Variants in OVCH1 observed in about 807,000 individuals in gnomAD.
OVCH1 encodes ovochymase 1.
OVCH1 carries 139 observed loss-of-function variants against 138.4 expected under a neutral mutation model. That is an observed-to-expected ratio of 1.00 (90% CI 0.87 to 1.16). OVCH1 has a LOEUF of 1.16. Ranked by LOEUF, OVCH1 falls within the 50% of genes most tolerant of loss-of-function variation. The pLI is 0.00. For synonymous variants in OVCH1, 453 were observed against 467.8 expected (o/e 0.97, Z 0.41); for missense variants, 1,367 against 1,357.9 (o/e 1.01, Z -0.11).
chr12:29,469,233 T>A (rs771782769), intron 16 of OVCH1, among the ~76,000 whole-genome samples: 1 of 152,168 alleles, frequency 6.6e-6, no homozygotes, highest in Non-Finnish European at 1.5e-5. Flanking sequence ...TGATAAGTCA[T>A]GTTGACTGTA....
chr12:29,436,248 G>A (rs1015435326), intron 26 of OVCH1, among the ~76,000 whole-genome samples: 1 of 151,010 alleles, frequency 6.6e-6, no homozygotes, highest in African/African-American at 2.4e-5. Context: ...CATACATAAA[G>A]CTTATTTTAA....
the OVCH1 span, among the ~76,000 whole-genome samples, chr12:29,407,097 A>G: frequency 6.6e-6 from 1 of 151,972 alleles, no homozygotes; most frequent in African/African-American, 2.4e-5. Flanking sequence ...GGCTGCATAA[A>G]TGTCTTCTTT....
chr12:29,476,142 G>A, intron 13 of OVCH1, 64 bp downstream of exon 13: 2 of 1,323,274 alleles, frequency 1.5e-6, no homozygotes, highest in South Asian at 1.2e-5. Context: ...AAGGAAGCCA[G>A]CCCATGTTGC....
intron 19 of OVCH1, among the ~76,000 whole-genome samples, chr12:29,457,369 T>A (rs2135959041): frequency 6.8e-6 from 1 of 148,074 alleles, no homozygotes; most frequent in African/African-American, 2.5e-5. Flanking sequence ...CCATAGTAAA[T>A]ATTCAGCAAA....
At chr12:29,473,256 T>C (rs1320688020) in intron 14 of OVCH1, among the ~76,000 whole-genome samples, 153 bp from the exon 15 acceptor site, 2 of 152,182 alleles carry the variant, frequency 1.3e-5, no homozygotes, top group African/African-American at 4.8e-5. Flanking sequence ...GAAATGTGAT[T>C]TCTTGTATAT....
chr12:29,478,728 T>G (rs1942826491), intron 9 of OVCH1, 107 bp downstream of exon 10: 1 of 602,714 alleles, frequency 1.7e-6, no homozygotes. Flanking sequence ...AAATAATGGC[T>G]ACTCCATAGG....
downstream of OVCH1, among the ~76,000 whole-genome samples, chr12:29,426,568 C>A (rs1941182163): frequency 6.6e-6 from 1 of 152,204 alleles, no homozygotes; most frequent in African/African-American, 2.4e-5. Flanking sequence ...ATGGCCCAAA[C>A]AGATATCTCT....
chr12:29,422,923 C>T (rs1340851974), downstream of OVCH1, among the ~76,000 whole-genome samples: 1 of 152,058 alleles, frequency 6.6e-6, no homozygotes. Context: ...ATAATAAACG[C>T]ACATACACAA....
At position 29,451,285 on chromosome 12, in the gene OVCH1, A is replaced by C. The variant is rs551999634; in HGVS notation, c.2755+60T>G. On this transcript the variant is annotated intron_variant, in intron 22 of 27. Coordinates refer to ENST00000318184, the Ensembl canonical transcript of OVCH1. ...TACCAAGTCAGACTCATTCCTGATC[A>C]TAAGCTGCCTACATGGACCAAGACT... The C allele has an allele frequency of 2.2e-6, 3 of 1,375,636 alleles. No homozygotes were observed. In the East Asian group the frequency reaches 7.1e-5, roughly 33 times the overall value. 85.2% of individuals were successfully genotyped at this position (1,375,636 alleles called of 1,614,324 possible).
downstream of OVCH1, among the ~76,000 whole-genome samples, chr12:29,425,381 T>C (rs184023915): frequency 2.0e-5 from 3 of 152,352 alleles, no homozygotes; most frequent in Admixed American, 2.0e-4. Context: ...TTACACCTAA[T>C]ACAGAGTTTA....
At chr12:29,486,933 G>A in intron 7 of OVCH1, 3 of 455,760 alleles carry the variant, frequency 6.6e-6, no homozygotes, top group East Asian at 7.0e-5. Flanking sequence ...CTGCTCCCCT[G>A]CAGTGGAGCA....
At position 29,443,400 on chromosome 12, in the gene OVCH1, G is replaced by A. The variant is rs112266594; in HGVS notation, c.3118C>T (p.Arg1040Cys). Reference sequence around the variant, plus strand: ...CCTGGTCCAAATCCTTCGTAAACACGCAGATGACCATGACAGACAAAAGTT... The same window carrying A: ...CCTGGTCCAAATCCTTCGTAAACACACAGATGACCATGACAGACAAAAGTT... Residue 1040 changes from arginine (R) to cysteine (C), a missense_variant, in exon 25 of 28, where the codon CGT becomes TGT. Physicochemically the swap from Arg to Cys is radical, Grantham distance 180. Transcript: ENST00000318184. 1.4e-5 allele frequency: 23 copies of A among 1,611,366 alleles called. No individual in the cohort carries two copies. In the African/African-American group the frequency reaches 1.9e-4, roughly 13 times the overall value.
intron 25 of OVCH1, among the ~76,000 whole-genome samples, chr12:29,441,831 C>T (rs1941492929): frequency 6.6e-6 from 1 of 152,122 alleles, no homozygotes; most frequent in South Asian, 2.1e-4. Context: ...AGACACTTCT[C>T]AAAAGAAGAC....
At chr12:29,474,968 G>A (rs1035453490) in intron 14 of OVCH1, 93 bp downstream of exon 14, 3 of 1,345,138 alleles carry the variant, frequency 2.2e-6, no homozygotes, top group South Asian at 1.5e-5. Flanking sequence ...CAAGGGGATT[G>A]CTATACTACA....
intron 22 of OVCH1, among the ~76,000 whole-genome samples, chr12:29,448,182 A>C (rs1045843122): frequency 8.8e-5 from 13 of 147,256 alleles, no homozygotes; most frequent in Admixed American, 3.5e-4. Flanking sequence ...TGGCATGTGC[A>C]ATTCACATTC....
chr12:29,405,488 A>G, the OVCH1 span, among the ~76,000 whole-genome samples: 1 of 152,226 alleles, frequency 6.6e-6, no homozygotes, highest in African/African-American at 2.4e-5. Context: ...ATAAAAATAC[A>G]TATAAACCTA....
chr12:29,436,521 T>C (rs548481459), intron 26 of OVCH1, among the ~76,000 whole-genome samples: 1 of 152,358 alleles, frequency 6.6e-6, no homozygotes, highest in South Asian at 2.1e-4. Flanking sequence ...GTGTCCAGAA[T>C]TTATTCCTTC....
chr12:29,419,586 G>A (rs572947638), intron 3 of OVCH1, among the ~76,000 whole-genome samples: 2 of 151,862 alleles, frequency 1.3e-5, no homozygotes, highest in Non-Finnish European at 2.9e-5. Context: ...GAGCCACTGC[G>A]CCTGGCCAAC....
At chr12:29,432,806 AGGAGACCAGTGAGCTCTCCTTTTTT>A (rs1259531239) in intron 27 of OVCH1, among the ~76,000 whole-genome samples, 1 of 152,160 alleles carries the variant, frequency 6.6e-6, no homozygotes, top group Non-Finnish European at 1.5e-5. Context: ...AAGACTCTGA[AGGAGACCAGTGAGCTCTCCTTTTTT>A]GGAGACCAAA....
Sources: allele counts gnomAD v4.1 joint callset (sites outside exome capture counted in the v4.1 genomes callset), GRCh38; gene constraint gnomAD v4.1.1; transcripts MANE v1.5; gene names NCBI Gene and HGNC (gene_info 2026-07-23, HGNC 2026-07-21).